Variants in MAGI1 observed in about 807,000 individuals in gnomAD.
MAGI1 encodes the protein membrane associated guanylate kinase, WW and PDZ domain containing 1.
Under a neutral mutation model 139.9 loss-of-function variants are expected in MAGI1, and 58 were observed. The observed-to-expected ratio is 0.41, with a 90% CI of 0.34 to 0.52. MAGI1 has a LOEUF of 0.52. Among genes scored for constraint, MAGI1 ranks in the 20% least tolerant of loss-of-function variants. MAGI1 has a pLI of 0.12. For missense variants in MAGI1, 1,874 were observed against 1,901.6 expected (o/e 0.99, Z 0.27); for synonymous variants, 812 against 737.9 (o/e 1.10, Z -1.63).
At chr3:65,631,550 T>C (rs930391961) in intron 1 of MAGI1, among the ~76,000 whole-genome samples, 2 of 152,130 alleles carry the variant, frequency 1.3e-5, no homozygotes, top group African/African-American at 4.8e-5. Context: ...CTTCTGATTA[T>C]CTTCTTGAGA....
In MAGI1 at chr3:65,943,418, A is replaced by G. The variant is rs574536755; in HGVS notation, c.313+94578T>C. Among the ~76,000 whole-genome samples the G allele has an allele frequency of 2.6e-5, 4 of 152,152 alleles. No individual in the cohort carries two copies. The South Asian group carries it at 8.3e-4, about 32-fold the overall frequency. ...GTGAAACCCTGTCTCTACTAAAAATACAAAAAATTAGCTGGGCGTGGTGGC... is the reference window on the plus strand; with the variant it reads ...GTGAAACCCTGTCTCTACTAAAAATGCAAAAAATTAGCTGGGCGTGGTGGC... On this transcript the variant is annotated intron_variant, in intron 1 of 22. Transcript: ENST00000402939.
chr3:65,466,332 T>C (rs1249285422), intron 5 of MAGI1, among the ~76,000 whole-genome samples: 1 of 152,160 alleles, frequency 6.6e-6, no homozygotes, highest in Non-Finnish European at 1.5e-5. Flanking sequence ...TTTTTTGGTA[T>C]TACATTATAG....
At position 65,574,506 on chromosome 3, in the gene MAGI1, T is replaced by C. The variant is rs534889600; in HGVS notation, c.430+47466A>G. On this transcript the variant is annotated intron_variant, in intron 2 of 22. Coordinates refer to ENST00000402939, the MANE Select transcript of MAGI1 (RefSeq NM_001033057.2). ...TAAAATCTACCCTATTCATGGGCAA[T>C]ACTTTTAAAATGTCCATTCTCCACA... Among the ~76,000 whole-genome samples the C allele has an allele frequency of 4.7e-5, 7 of 149,644 alleles. No homozygotes were observed. In the East Asian group the frequency reaches 1.2e-3, roughly 25 times the overall value.
intron 18 of MAGI1, among the ~76,000 whole-genome samples, chr3:65,366,825 G>C (rs1203080885): frequency 6.6e-6 from 1 of 152,166 alleles, no homozygotes; most frequent in African/African-American, 2.4e-5. Context: ...TCATCATAAT[G>C]TTAAAAGCAT....
rs184704921 is a variant in MAGI1 at position 65,410,272 on chromosome 3, A to G, written c.2168-8802T>C. 4.1e-3 allele frequency among the ~76,000 whole-genome samples: 626 copies of G among 152,322 alleles called. 3 individuals are homozygous for G. Among genetic ancestry groups the G allele is most frequent in the Non-Finnish European group, 7.6e-3 (515 of 68,026 alleles). Reference sequence around the variant, plus strand: ...GAAAGCTTAGTGCAAAAATAACTAAAAAGTATTCAGAGCCTGTCTTTGACA... The same window carrying G: ...GAAAGCTTAGTGCAAAAATAACTAAGAAGTATTCAGAGCCTGTCTTTGACA... On this transcript the variant is annotated intron_variant, in intron 12 of 22. Transcript: ENST00000402939.
At chr3:65,927,263 G>A (rs752921776) in intron 1 of MAGI1, among the ~76,000 whole-genome samples, 13 of 152,136 alleles carry the variant, frequency 8.5e-5, no homozygotes, top group Admixed American at 2.6e-4. Context: ...CTCTCTTGGG[G>A]TCTGGATGGG....
At chr3:65,920,987 C>T (rs1481606113) in intron 1 of MAGI1, among the ~76,000 whole-genome samples, 3 of 151,940 alleles carry the variant, frequency 2.0e-5, no homozygotes, top group African/African-American at 7.3e-5. Context: ...CGAGATCACG[C>T]CACTGCACTC....
intron 1 of MAGI1, among the ~76,000 whole-genome samples, chr3:65,680,301 T>A (rs1360028751): frequency 6.6e-6 from 1 of 152,178 alleles, no homozygotes. Context: ...GGCAGGTCAT[T>A]CATTTCTTCC....
At chr3:65,962,563 G>A (rs2064492263) in intron 1 of MAGI1, among the ~76,000 whole-genome samples, 1 of 151,902 alleles carries the variant, frequency 6.6e-6, no homozygotes, top group East Asian at 1.9e-4. Context: ...GGCCAGGCGA[G>A]GTGGTTCACG....
chr3:65,590,936 T>C lies in MAGI1; in HGVS notation c.430+31036A>G, dbSNP rs573471590. Among the ~76,000 whole-genome samples the C allele has an allele frequency of 8.0e-4, 122 of 152,328 alleles. 1 individual carries two copies. In the South Asian group the frequency reaches 0.024, roughly 29 times the overall value. ...GATGAGAATGTAAATTATATAATTC[T>C]TTTAGTGGAACAATTTGGGAGTTTT... On this transcript the variant is annotated intron_variant, in intron 2 of 22. Coordinates refer to ENST00000402939, the MANE Select transcript of MAGI1 (RefSeq NM_001033057.2).
intron 1 of MAGI1, among the ~76,000 whole-genome samples, chr3:65,891,710 T>C (rs1302135696): frequency 9.0e-6 from 1 of 110,716 alleles, no homozygotes; most frequent in Non-Finnish European, 1.7e-5. Flanking sequence ...AAGACTGGGA[T>C]ACAAACCCCT....
chr3:65,854,737 G>A lies in MAGI1; in HGVS notation c.313+183259C>T, dbSNP rs889787415. ...TCTGTCACCTAAATGAGCTGCTGTG[G>A]CCTGGCTCATCTGGTAGCACCATGA... On this transcript the variant is annotated intron_variant, in intron 1 of 22. Transcript: ENST00000402939. Among the ~76,000 whole-genome samples, 4 of 152,232 alleles carry A rather than the reference G, an allele frequency of 2.6e-5. No homozygotes were observed. In the East Asian group the frequency reaches 7.7e-4, roughly 29 times the overall value.
intron 1 of MAGI1, among the ~76,000 whole-genome samples, chr3:65,946,241 T>TA (rs2063539608): frequency 6.6e-6 from 1 of 152,070 alleles, no homozygotes; most frequent in Non-Finnish European, 1.5e-5. Context: ...GAAGAAGGAA[T>TA]AAAAAATGTG....
chr3:65,961,564 T>C (rs993934698), intron 1 of MAGI1, among the ~76,000 whole-genome samples: 5 of 152,222 alleles, frequency 3.3e-5, no homozygotes, highest in African/African-American at 7.2e-5. Flanking sequence ...CCCTTAAATA[T>C]GCTATGCAGG....
intron 1 of MAGI1, among the ~76,000 whole-genome samples, chr3:65,789,589 T>C (rs1403048217): frequency 2.0e-5 from 3 of 152,274 alleles, no homozygotes; most frequent in Non-Finnish European, 2.9e-5. Flanking sequence ...AATTGGCCAG[T>C]CTAAGGAAAA....
At chr3:65,745,115 C>T (rs2035594017) in intron 1 of MAGI1, among the ~76,000 whole-genome samples, 1 of 152,030 alleles carries the variant, frequency 6.6e-6, no homozygotes, top group Non-Finnish European at 1.5e-5. Flanking sequence ...GGTTTTTCCA[C>T]AAGTGATTTT....
intron 2 of MAGI1, among the ~76,000 whole-genome samples, chr3:65,518,419 T>C (rs2078000803): frequency 6.6e-6 from 1 of 152,224 alleles, no homozygotes. Flanking sequence ...AGTAATTGCA[T>C]GATTTTTCGT....
chr3:65,695,975 G>A (rs1365231318), intron 1 of MAGI1, among the ~76,000 whole-genome samples: 1 of 152,154 alleles, frequency 6.6e-6, no homozygotes, highest in Non-Finnish European at 1.5e-5. Flanking sequence ...CCAAAGGTAA[G>A]GCAGATGCTA....
chr3:65,845,224 CCTGGG>C, intron 1 of MAGI1, among the ~76,000 whole-genome samples: 1 of 150,076 alleles, frequency 6.7e-6, no homozygotes, highest in Non-Finnish European at 1.5e-5. Flanking sequence ...GCATTTCCAG[CCTGGG>C]CAACAGAGGG....
Sources: gnomAD v4.1 joint callset for allele counts (sites outside exome capture counted in the v4.1 genomes callset) on GRCh38, gnomAD v4.1.1 for gene constraint, MANE v1.5 for transcripts, NCBI Gene and HGNC (gene_info 2026-07-23, HGNC 2026-07-21) for gene names.